CLN3: variants seen among roughly 807,000 people sequenced by gnomAD.
The protein encoded by CLN3 is battenin.
Under a neutral mutation model 60.7 loss-of-function variants are expected in CLN3, and 49 were observed. That is an observed-to-expected ratio of 0.81 (90% CI 0.64 to 1.02). The LOEUF (loss-of-function observed/expected upper bound fraction) is 1.02. Ranked by LOEUF, CLN3 falls within the 50% of genes least tolerant of loss-of-function variation. The pLI, the probability that CLN3 is intolerant of heterozygous loss-of-function variation, is 0.00. For missense variants in CLN3, 516 were observed against 557.4 expected, an observed-to-expected ratio of 0.93 and a Z score of 0.75; for synonymous variants, 256 against 245.8, an observed-to-expected ratio of 1.04 and a Z score of -0.39.
Position 28,487,712 on chromosome 16 carries a change from T to C in CLN3, c.324A>G (p.Thr108=), listed in dbSNP as rs2046245530. ...AAVLLADILP[T]LVIKLLAPLG... ...GAGGAGCCAACAATTTGATGACGAG[T>C]GTGGGGAGGATGTCCGCCAGGAGCA... The change falls in exon 6 of 16, where the codon ACA becomes ACG. Residue 108 remains threonine, a synonymous_variant. Coordinates refer to ENST00000636147, the MANE Select transcript of CLN3 (RefSeq NM_001042432.2). 5.0e-6 allele frequency: 8 copies of C among 1,613,784 alleles called. No individual in the cohort carries two copies. The highest frequency in any genetic ancestry group is 2.7e-5 in the African/African-American group (2 of 74,982).
Position 28,488,528 on chromosome 16 carries a change from G to T in CLN3, c.294+63C>A, listed in dbSNP as rs2046259703. 1.5e-5 allele frequency: 22 copies of T among 1,424,334 alleles called. No homozygotes were observed. The South Asian group carries it at 2.4e-4, about 16-fold the overall frequency. The allele number at this position is 1,424,334 out of a possible 1,614,324, so 88.2% of individuals were successfully genotyped here. On this transcript the variant is annotated intron_variant, in intron 5 of 15. Transcript: ENST00000636147. ...TCCCAGCTGGGTAGTGAAGGGCTGG[G>T]AGTGGGGTCTATAGACCCAGGGGCC...
Position 28,477,654 on chromosome 16 carries a change from G to A in CLN3, c.1198-19C>T, listed in dbSNP as rs1032399119. The A allele has an allele frequency of 3.1e-6, 5 of 1,614,020 alleles. No homozygotes were observed. The highest frequency in any genetic ancestry group is 2.5e-6 in the Non-Finnish European group (3 of 1,180,038). On this transcript the variant is annotated intron_variant, in intron 15 of 15. Transcript: ENST00000636147. ...CACTGGTCTGGGAGGGCAGAGAGCA[G>A]GGGTGAGGCTTCAGTCCCAGACATC... is the stretch of plus-strand genomic sequence containing the variant.
intron 5 of CLN3, 157 bp from the exon 6 acceptor site, chr16:28,487,898 C>T (rs566952321): frequency 1.5e-6 from 1 of 673,128 alleles, no homozygotes; most frequent in Non-Finnish European, 2.7e-6. Context: ...TCTCCCACTC[C>T]TTAGTTGTGT....
chr16:28,480,548 G>A (rs1031911896), intron 14 of CLN3, among the ~76,000 whole-genome samples: 10 of 152,046 alleles, frequency 6.6e-5, no homozygotes, highest in Admixed American at 5.9e-4. Flanking sequence ...TGACAGGCAG[G>A]TGCCACCACG....
At chr16:28,487,953 A>AATGGGAAT (rs2046249594) in intron 5 of CLN3, 2 of 580,052 alleles carry the variant, frequency 3.4e-6, no homozygotes, top group Non-Finnish European at 6.2e-6. Flanking sequence ...TCATCTGGAA[A>AATGGGAAT]ATGGGAATAT....
intron 14 of CLN3, among the ~76,000 whole-genome samples, chr16:28,478,925 C>G (rs1018635268): frequency 1.3e-5 from 2 of 152,136 alleles, no homozygotes; most frequent in African/African-American, 4.8e-5. Flanking sequence ...GTGGGAGTAG[C>G]CGGGCATCCT....
chr16:28,486,759 A>G (rs1204622570), intron 7 of CLN3, 109 bp from the exon 8 acceptor site: 7 of 1,042,590 alleles, frequency 6.7e-6, no homozygotes, highest in East Asian at 2.6e-5. Flanking sequence ...AGAGGCTCCA[A>G]TAGATCCCAT....
chr16:28,487,833 G>A, intron 5 of CLN3, 92 bp from the exon 6 acceptor site: 1 of 991,016 alleles, frequency 1.0e-6, no homozygotes, highest in Non-Finnish European at 1.6e-6. Context: ...TGGCCAAACA[G>A]GCCTGCTACA....
chr16:28,487,130 C>T (rs1365201595), intron 7 of CLN3: 8 of 422,032 alleles, frequency 1.9e-5, no homozygotes, highest in African/African-American at 8.0e-5. Context: ...AGGCTGGTTT[C>T]GAACTCCTGA....
Position 28,477,719 on chromosome 16 carries a change from T to C in CLN3, c.1197+18A>G, listed in dbSNP as rs1487271147. On this transcript the variant is annotated intron_variant, in intron 15 of 15. Coordinates refer to ENST00000636147, the MANE Select transcript of CLN3 (RefSeq NM_001042432.2). ...CCCTGGACAGGCCACCCCCAGCCCT[T>C]GCCCGGCCAATGCTGACCTCCAGGG... The C allele has an allele frequency of 3.7e-6, 6 of 1,614,048 alleles. No homozygotes were observed. Among genetic ancestry groups the C allele is most frequent in the South Asian group, 1.1e-5 (1 of 91,092 alleles).
downstream of CLN3, chr16:28,470,539 G>T (rs1423767919): frequency 5.4e-6 from 2 of 369,632 alleles, no homozygotes; most frequent in East Asian, 1.2e-4. Context: ...CCGGATCTGA[G>T]TTGGGGCGGG....
chr16:28,477,937 C>T, intron 14 of CLN3, 60 bp from the exon 15 acceptor site: 2 of 1,594,652 alleles, frequency 1.3e-6, no homozygotes, highest in Non-Finnish European at 1.7e-6. Context: ...GGAGAGGTGG[C>T]CTCCCCTCCA....
chr16:28,468,339 G>A, the CLN3 span, among the ~76,000 whole-genome samples: 1 of 121,800 alleles, frequency 8.2e-6, no homozygotes, highest in Non-Finnish European at 1.7e-5. Flanking sequence ...TTAAATTGAT[G>A]TATAACATTG....
chr16:28,488,215 A>G (rs940806946), intron 5 of CLN3: 1 of 170,308 alleles, frequency 5.9e-6, no homozygotes, highest in African/African-American at 2.4e-5. Flanking sequence ...TAATTTTTGT[A>G]TTTTTAGTAC....
At chr16:28,472,620 C>T (rs1357719367), downstream of CLN3, among the ~76,000 whole-genome samples, 1 of 150,748 alleles carries the variant, frequency 6.6e-6, no homozygotes, top group Non-Finnish European at 1.5e-5. Flanking sequence ...GTGGGCGGAT[C>T]ACTTGAGGTC....
Position 28,491,487 on chromosome 16 carries a change from G to A in CLN3, c.120C>T (p.Gly40=), listed in dbSNP as rs1457597143. The A allele has an allele frequency of 6.2e-7, 1 of 1,613,348 alleles. No individual in the cohort carries two copies. Among genetic ancestry groups the A allele is most frequent in the African/African-American group, 1.3e-5 (1 of 74,920 alleles). ...HQGAHWKNAV[G]FWLLGLCNNF... is the part of the protein sequence containing the mutation. ...TGAAGTCTCAGGCCACTCACCAGAA[G>A]CCCACCGCGTTCTTCCAATGCGCGC... The change falls in exon 3 of 16, where the codon GGC becomes GGT. Residue 40 remains glycine (G), a synonymous_variant. Coordinates refer to ENST00000636147, the MANE Select transcript of CLN3 (RefSeq NM_001042432.2).
chr16:28,476,587 C>T (rs1482153820), downstream of CLN3: 1 of 152,012 alleles, frequency 6.6e-6, no homozygotes, highest in African/African-American at 2.4e-5. Context: ...CCTCAGGTGC[C>T]AACCCTGCCA....
chr16:28,481,973 C>T (rs549576410), intron 14 of CLN3, 132 bp downstream of exon 14: 8 of 645,976 alleles, frequency 1.2e-5, no homozygotes, highest in Admixed American at 8.7e-5. Context: ...GACGACAGAG[C>T]GAGACTCTGT....
At chr16:28,476,035 GCCA>G (rs1460613862), downstream of CLN3, 3 of 151,936 alleles carry the variant, frequency 2.0e-5, no homozygotes, top group Non-Finnish European at 4.4e-5. Context: ...ACAGGTGCAA[GCCA>G]CCACACCTGG....
Sources: gnomAD v4.1 joint callset for allele counts (sites outside exome capture counted in the v4.1 genomes callset) on GRCh38, gnomAD v4.1.1 for gene constraint, MANE v1.5 for transcripts, NCBI Gene and HGNC (gene_info 2026-07-23, HGNC 2026-07-21) for gene names.